MARCHF7: variants seen among roughly 807,000 people sequenced by gnomAD.
The protein encoded by MARCHF7 is E3 ubiquitin-protein ligase MARCHF7.
A neutral mutation model predicts 76.5 loss-of-function variants in MARCHF7; 20 were observed. The ratio of observed to expected loss-of-function variants is 0.26; its 90% CI spans 0.18 to 0.38. The LOEUF (loss-of-function observed/expected upper bound fraction) is 0.38. MARCHF7 is among the 10% of genes least tolerant of loss of function. MARCHF7 has a pLI of 1.00. For missense variants in MARCHF7, 797 were observed against 812.9 expected, an observed-to-expected ratio of 0.98 and a Z score of 0.24; for synonymous variants, 295 against 293.0, an observed-to-expected ratio of 1.01 and a Z score of -0.07.
chr2:159,719,382 C>T (rs1174650971), intron 3 of MARCHF7, among the ~76,000 whole-genome samples: 1 of 152,028 alleles, frequency 6.6e-6, no homozygotes, highest in African/African-American at 2.4e-5. Flanking sequence ...CCTTGACCAC[C>T]CCCCACCACC....
intron 8 of MARCHF7, among the ~76,000 whole-genome samples, chr2:159,758,423 A>G (rs1299066178): frequency 2.0e-5 from 3 of 152,204 alleles, no homozygotes; most frequent in Non-Finnish European, 2.9e-5. Context: ...TTGTGCAACC[A>G]TCACTCCTAT....
In MARCHF7 at chr2:159,768,224, G is replaced by C. The variant is rs1219609489; in HGVS notation, c.*882G>C. ...TTATAGATAAATATATAAATAACCT[G>C]TTTGGATCCTGGTCCTTTTTAACTG... On this transcript the variant is annotated 3_prime_UTR_variant, in exon 12 of 12. Coordinates refer to ENST00000409175, the MANE Select transcript of MARCHF7 (RefSeq NM_001282805.2). 1.3e-5 allele frequency: 2 copies of C among 151,954 alleles called. No homozygotes were observed. The highest frequency in any genetic ancestry group is 4.8e-5 in the African/African-American group (2 of 41,422). 9.4% of individuals were successfully genotyped at this position (151,954 alleles called of 1,614,324 possible). A position where few individuals can be genotyped will look rare whatever the true frequency, so the allele number is the denominator to read the frequency against.
rs377705664 is a variant in MARCHF7 at position 159,764,212 on chromosome 2, TTGTGTGTGTGTGTGTG to T, written c.2008-385_2008-370del. On this transcript the variant is annotated intron_variant, in intron 10 of 11. Coordinates refer to ENST00000409175, the MANE Select transcript of MARCHF7 (RefSeq NM_001282805.2). ...AGGAAAATATTGGTTCTTGGGAGTTTTGTGTGTGTGTGTGTGTGTGTGTGTGTGTGTGTGTGTGTGT... is the reference window on the plus strand; with the variant it reads ...AGGAAAATATTGGTTCTTGGGAGTTTTGTGTGTGTGTGTGTGTGTGTGTGT... 1.7e-4 allele frequency among the ~76,000 whole-genome samples: 23 copies of T among 138,642 alleles called. No individual in the cohort carries two copies. The East Asian group carries it at 2.5e-3, about 15-fold the overall frequency. The allele number at this position is 138,642 out of a possible 152,430, so 91.0% of individuals were successfully genotyped here.
Position 159,770,991 on chromosome 2 carries a change from T to C in MARCHF7, c.*3649T>C, listed in dbSNP as rs1020801741. 15 of 152,214 alleles carry C rather than the reference T, an allele frequency of 9.9e-5. No homozygotes were observed. The highest frequency in any genetic ancestry group is 3.4e-4 in the African/African-American group (14 of 41,462). 9.4% of individuals were successfully genotyped at this position (152,214 alleles called of 1,614,324 possible). On this transcript the variant is annotated 3_prime_UTR_variant, in exon 12 of 12. Coordinates refer to ENST00000409175, the MANE Select transcript of MARCHF7 (RefSeq NM_001282805.2). ...AATGATTTTCACCTTTTTCTTAAAA[T>C]GTACAATAAATGCACTGAAAACTTT...
At chr2:159,738,470 C>T (rs1703735252) in intron 4 of MARCHF7, among the ~76,000 whole-genome samples, 1 of 152,100 alleles carries the variant, frequency 6.6e-6, no homozygotes, top group African/African-American at 2.4e-5. Context: ...GAATGAGGTA[C>T]ACAGACAGTT....
At chr2:159,724,288 A>G (rs1355164006) in intron 3 of MARCHF7, among the ~76,000 whole-genome samples, 3 of 152,138 alleles carry the variant, frequency 2.0e-5, no homozygotes, top group African/African-American at 7.2e-5. Context: ...CACTCTAGTA[A>G]CTTATAGGAT....
chr2:159,749,609 A>G (rs974165491), intron 7 of MARCHF7, among the ~76,000 whole-genome samples: 6 of 152,132 alleles, frequency 3.9e-5, no homozygotes, highest in African/African-American at 9.7e-5. Context: ...CCACCTCTCA[A>G]AGTACTGGGA....
intron 7 of MARCHF7, among the ~76,000 whole-genome samples, chr2:159,749,684 A>T (rs1040020235): frequency 5.9e-5 from 9 of 151,574 alleles, no homozygotes; most frequent in African/African-American, 2.2e-4. Context: ...AAGATGTTTC[A>T]TTCATAGGTA....
At chr2:159,755,166 G>C (rs1040822805) in intron 8 of MARCHF7, among the ~76,000 whole-genome samples, 4 of 152,190 alleles carry the variant, frequency 2.6e-5, no homozygotes, top group Non-Finnish European at 5.9e-5. Flanking sequence ...AAGAGGTAGA[G>C]TATCTTTGGA....
intron 10 of MARCHF7, among the ~76,000 whole-genome samples, chr2:159,763,417 AT>A (rs898516235): frequency 1.5e-4 from 23 of 152,224 alleles, no homozygotes; most frequent in African/African-American, 5.3e-4. Context: ...CAGTGTACTA[AT>A]TTTTAAGTGT....
intron 10 of MARCHF7, among the ~76,000 whole-genome samples, chr2:159,763,712 G>A (rs774114473): frequency 2.0e-5 from 3 of 152,050 alleles, no homozygotes; most frequent in Admixed American, 6.6e-5. Context: ...TGTTAACTTC[G>A]GTGATAAAAG....
At chr2:159,713,960 A>C in intron 1 of MARCHF7, among the ~76,000 whole-genome samples, 1 of 152,156 alleles carries the variant, frequency 6.6e-6, no homozygotes, top group East Asian at 1.9e-4. Context: ...GTCTTGAATT[A>C]AGAATTCCTA....
At chr2:159,727,557 TAGCCTGGGCAAC>T in intron 3 of MARCHF7, among the ~76,000 whole-genome samples, 1 of 152,228 alleles carries the variant, frequency 6.6e-6, no homozygotes, top group African/African-American at 2.4e-5. Context: ...CACTTCACTC[TAGCCTGGGCAAC>T]AGAGTGAGAC....
chr2:159,720,216 G>C (rs989304622), intron 3 of MARCHF7, among the ~76,000 whole-genome samples: 1 of 152,170 alleles, frequency 6.6e-6, no homozygotes, highest in Admixed American at 6.5e-5. Flanking sequence ...AGTAGAGATG[G>C]GGTTTCACCA....
chr2:159,732,111 A>T (rs1449690829), intron 4 of MARCHF7, among the ~76,000 whole-genome samples: 1 of 150,914 alleles, frequency 6.6e-6, no homozygotes, highest in African/African-American at 2.5e-5. Flanking sequence ...CTCAAAAAAA[A>T]CAAAAAACAA....
rs868480896 is a variant in MARCHF7 at position 159,767,831 on chromosome 2, T to C, written c.*489T>C. On this transcript the variant is annotated 3_prime_UTR_variant, in exon 12 of 12. Coordinates refer to ENST00000409175, the MANE Select transcript of MARCHF7 (RefSeq NM_001282805.2). ...TTTTGATAATCATTTGCTTCCAGTGTTTAAAAATTAAAAAAAGAATGGGGA... is the reference window on the plus strand; with the variant it reads ...TTTTGATAATCATTTGCTTCCAGTGCTTAAAAATTAAAAAAAGAATGGGGA... 2 of 152,614 alleles carry C rather than the reference T, an allele frequency of 1.3e-5. No homozygotes were observed. Among genetic ancestry groups the C allele is most frequent in the African/African-American group, 4.8e-5 (2 of 41,546 alleles). The allele number at this position is 152,614 out of a possible 1,614,324, so 9.5% of individuals were successfully genotyped here.
At position 159,752,457 on chromosome 2, in the gene MARCHF7, A is replaced by C; in HGVS notation, c.1669A>C (p.Met557Leu). Residue 557 changes from methionine to leucine, a missense_variant, in exon 8 of 12, where the codon ATG (methionine) becomes CTG (leucine). Met to Leu is a conservative substitution (Grantham distance 15). This residue lies in a region of MARCHF7 where 30 missense variants were observed against 60.1 expected (regional missense o/e 0.50). Transcript: ENST00000409175. ...EEGDLCRICQMAAASSSNLLI... is the reference protein window; with the variant it reads ...EEGDLCRICQLAAASSSNLLI... ...AGGTGACTTATGTAGAATTTGTCAA[A>C]TGGCAGCTGCATCATCATCTAATTT... 1 of 1,605,440 alleles carries C rather than the reference A, an allele frequency of 6.2e-7. No homozygotes were observed.
chr2:159,757,664 A>C (rs979552095), intron 8 of MARCHF7, among the ~76,000 whole-genome samples: 1 of 152,170 alleles, frequency 6.6e-6, no homozygotes. Flanking sequence ...TGTAGAAATA[A>C]ATGGGTTGCT....
At chr2:159,761,027 A>ATTT (rs34380779) in intron 9 of MARCHF7, among the ~76,000 whole-genome samples, 4 of 139,872 alleles carry the variant, frequency 2.9e-5, no homozygotes, top group East Asian at 2.0e-4. Flanking sequence ...TAACCATTTA[A>ATTT]TTTTTTTTTT....
Sources: gnomAD v4.1 joint callset for allele counts (sites outside exome capture counted in the v4.1 genomes callset) on GRCh38, gnomAD v4.1.1 for gene constraint, gnomAD v4.1.1 regional missense constraint, MANE v1.5 for transcripts, NCBI Gene and HGNC (gene_info 2026-07-23, HGNC 2026-07-21) for gene names.